Variants in ERF observed in about 807,000 individuals in gnomAD.
ERF encodes the protein ETS2 repressor factor, also known as ETS domain-containing transcription factor ERF.
In ERF, 10 loss-of-function variants were observed where a neutral mutation model predicts 41.6. The observed-to-expected ratio is 0.24, with a 90% CI of 0.15 to 0.41. ERF has a LOEUF of 0.41. Ranked by LOEUF, ERF falls within the 10% of genes least tolerant of loss-of-function variation. ERF has a pLI of 1.00. For synonymous variants in ERF, 395 were observed against 342.4 expected, an observed-to-expected ratio of 1.15 and a Z score of -1.70; for missense variants, 621 against 763.2, an observed-to-expected ratio of 0.81 and a Z score of 2.19.
chr19:42,253,782 GA>G, intron 1 of ERF: 1 of 647,124 alleles, frequency 1.5e-6, no homozygotes, highest in South Asian at 7.8e-5. Context: ...ATGGGGATGG[GA>G]ATGGGGTGGG....
chr19:42,253,895 G>A, intron 1 of ERF: 3 of 1,080,326 alleles, frequency 2.8e-6, no homozygotes, highest in South Asian at 2.3e-5. Flanking sequence ...CCGGGGGAAG[G>A]AAACAAGTTT....
intron 1 of ERF, among the ~76,000 whole-genome samples, chr19:42,252,770 A>G (rs1445490356): frequency 6.6e-6 from 1 of 152,056 alleles, no homozygotes; most frequent in East Asian, 1.9e-4. Flanking sequence ...GGGTGTCTCA[A>G]TGGGGCTCTG....
chr19:42,254,299 G>A (rs1310223415), intron 1 of ERF, among the ~76,000 whole-genome samples: 2 of 152,194 alleles, frequency 1.3e-5, no homozygotes, highest in Non-Finnish European at 2.9e-5. Flanking sequence ...GGTGGCGCGG[G>A]AGGAGGGTAC....
intron 1 of ERF, among the ~76,000 whole-genome samples, chr19:42,253,247 G>T (rs1262950997): frequency 6.6e-6 from 1 of 152,162 alleles, no homozygotes. Flanking sequence ...CCCACTCCAG[G>T]CGGCCCTCTA....
intron 1 of ERF, chr19:42,251,195 G>GC (rs931875676): frequency 1.4e-5 from 14 of 982,272 alleles, no homozygotes; most frequent in Non-Finnish European, 1.6e-5. Context: ...TGTCTGAGAG[G>GC]CCCCCCAAGC....
chr19:42,250,262 C>G lies in ERF; in HGVS notation c.257+69G>C. The stretch of plus-strand genomic sequence containing the variant: ...GGGTCAGACCCAATGCTTGTTCCCA[C>G]AGGCAAGGGGCTGTGCAACCCCGGG... On this transcript the variant is annotated intron_variant, in intron 2 of 3. Transcript: ENST00000222329. The surrounding 1 kb of genome is among the most constrained non-coding windows in gnomAD (Gnocchi z 5.1). 6.5e-7 allele frequency: 1 copy of G among 1,544,240 alleles called. No homozygotes were observed. The highest frequency in any genetic ancestry group is 1.8e-5 in the Admixed American group (1 of 56,346).
intron 1 of ERF, 88 bp downstream of exon 1, chr19:42,254,890 C>T: frequency 7.1e-7 from 1 of 1,413,022 alleles, no homozygotes; most frequent in Non-Finnish European, 9.4e-7. Flanking sequence ...ACTCGGGCTC[C>T]CCCGGACCCC....
rs550448475 is a variant in ERF at position 42,251,315 on chromosome 19, A to C, written c.23-750T>G. The C allele has an allele frequency of 5.4e-5, 53 of 985,680 alleles. No homozygotes were observed. In the South Asian group the frequency reaches 2.4e-3, roughly 44 times the overall value. The allele number at this position is 985,680 out of a possible 1,614,324, so 61.1% of individuals were successfully genotyped here. On this transcript the variant is annotated intron_variant, in intron 1 of 3. Transcript: ENST00000222329. ...CTTGAGCAGGCACCCTGGAGCTGTC[A>C]CCCTCTTCCCACTTCTGCCTTCTCA...
chr19:42,252,062 G>A (rs957132753), intron 1 of ERF, among the ~76,000 whole-genome samples: 3 of 152,068 alleles, frequency 2.0e-5, no homozygotes, highest in Middle Eastern at 3.2e-3. Context: ...GAGCACCATC[G>A]CTCTCTTGGG....
chr19:42,249,791 T>C lies in ERF; in HGVS notation c.373+36A>G, dbSNP rs1211887546. On this transcript the variant is annotated intron_variant, in intron 3 of 3. Transcript: ENST00000222329. The surrounding 1 kb of genome is among the most constrained non-coding windows in gnomAD (Gnocchi z 8.6). ...CCCTGGCCTAGCCTGAAGGGGCATG[T>C]AGACCCTCTCCACACCAACCATCCC... 6.2e-7 allele frequency: 1 copy of C among 1,613,942 alleles called. No individual in the cohort carries two copies. The highest frequency in any genetic ancestry group is 1.3e-5 in the African/African-American group (1 of 74,904).
In ERF at chr19:42,249,686, G is replaced by C; in HGVS notation, c.426C>G (p.Phe142Leu). 1 of 1,600,530 alleles carries C rather than the reference G, an allele frequency of 6.2e-7. No homozygotes were observed. Among genetic ancestry groups the C allele is most frequent in the Non-Finnish European group, 8.5e-7 (1 of 1,171,990 alleles). Reference protein sequence around the residue: ...APPVPSGGSHFRFPPSTPSEV... With the variant: ...APPVPSGGSHLRFPPSTPSEV... The stretch of plus-strand genomic sequence containing the variant: ...CGGAGGGCGTTGAGGGAGGGAAGCG[G>C]AAGTGGCTACCACCCGACGGCACTG... The change falls in exon 4 of 4, where the codon TTC (phenylalanine) becomes TTG (leucine). Residue 142 changes from phenylalanine (F) to leucine (L), a missense_variant. This residue lies in a region of ERF where 569 missense variants were observed against 625.5 expected (regional missense o/e 0.91). Transcript: ENST00000222329. This position sits in a 1 kb window ranked among gnomAD's most constrained non-coding sequence, Gnocchi z 8.6.
rs2036417719 is a variant in ERF at position 42,250,006 on chromosome 19, C to T, written c.258-64G>A. 6.9e-7 allele frequency: 1 copy of T among 1,445,230 alleles called. No homozygotes were observed. Among genetic ancestry groups the T allele is most frequent in the Admixed American group, 1.7e-5 (1 of 59,740 alleles). The allele number at this position is 1,445,230 out of a possible 1,614,324, so 89.5% of individuals were successfully genotyped here. A position where few individuals can be genotyped will look rare whatever the true frequency, so the allele number is the denominator to read the frequency against. On this transcript the variant is annotated intron_variant, in intron 2 of 3. Transcript: ENST00000222329. The surrounding 1 kb of genome is among the most constrained non-coding windows in gnomAD (Gnocchi z 5.1). ...TGGGACCCAGGTCTAGACTCCACAC[C>T]TTAACACGCACTTAGGTGTGGTTCC...
Position 42,255,001 on chromosome 19 carries a change from C to T in ERF, c.-2G>A, listed in dbSNP as rs980956119. The T allele has an allele frequency of 3.9e-5, 57 of 1,448,346 alleles. No individual in the cohort carries two copies. The highest frequency in any genetic ancestry group is 5.2e-5 in the Non-Finnish European group (57 of 1,104,106). The allele number at this position is 1,448,346 out of a possible 1,614,324, so 89.7% of individuals were successfully genotyped here. The stretch of plus-strand genomic sequence containing the variant: ...ACCTGTGTCCGCCGGGGTCTTCATG[C>T]TGGGGGGCCCGGGGCGAAGCGCCCC... On this transcript the variant is annotated 5_prime_UTR_variant, in exon 1 of 4. Coordinates refer to ENST00000222329, the MANE Select transcript of ERF (RefSeq NM_006494.4).
At position 42,250,568 on chromosome 19, in the gene ERF, G is replaced by A. The variant is rs1454312840; in HGVS notation, c.23-3C>T. ...GGCCCAATCCGGGAAGGCAAACCCT[G>A]GGGACGGGAGGCAGGGAGTGGCCTG... is the stretch of plus-strand genomic sequence containing the variant. On this transcript the variant is annotated splice_polypyrimidine_tract_variant and splice_region_variant and intron_variant, in intron 1 of 3. Coordinates refer to ENST00000222329, the MANE Select transcript of ERF (RefSeq NM_006494.4). This position sits in a 1 kb window ranked among gnomAD's most constrained non-coding sequence, Gnocchi z 5.1. 6.2e-7 allele frequency: 1 copy of A among 1,612,560 alleles called. No individual in the cohort carries two copies. Among genetic ancestry groups the A allele is most frequent in the East Asian group, 2.2e-5 (1 of 44,872 alleles).
Position 42,248,338 on chromosome 19 carries a change from G to T in ERF, c.*127C>A. 1.3e-6 allele frequency: 1 copy of T among 785,452 alleles called. No homozygotes were observed. The highest frequency in any genetic ancestry group is 1.8e-6 in the Non-Finnish European group (1 of 565,210). The allele number at this position is 785,452 out of a possible 1,614,324, so 48.7% of individuals were successfully genotyped here. ...GAAATTAAAGTTTTATACAAAATGTGGGGAGGGAAAAGGGAGGAGGCAGGG... is the reference window on the plus strand; with the variant it reads ...GAAATTAAAGTTTTATACAAAATGTTGGGAGGGAAAAGGGAGGAGGCAGGG... On this transcript the variant is annotated 3_prime_UTR_variant, in exon 4 of 4. Coordinates refer to ENST00000222329, the MANE Select transcript of ERF (RefSeq NM_006494.4). This position sits in a 1 kb window ranked among gnomAD's most constrained non-coding sequence, Gnocchi z 4.2.
rs758647555 is a variant in ERF at position 42,249,638 on chromosome 19, G to A, written c.474C>T (p.Asp158=). The change falls in exon 4 of 4, where the codon GAC becomes GAT. Residue 158 remains aspartate, a synonymous_variant. Transcript: ENST00000222329. This position sits in a 1 kb window ranked among gnomAD's most constrained non-coding sequence, Gnocchi z 8.6. ...AAGAGCAGGCTGGTGGTGAGCGGGG[G>A]TCCTCGGTGGGGGACAGCACCTCGG... is the stretch of plus-strand genomic sequence containing the variant. ...TPSEVLSPTE[D]PRSPPACSSS... 5.0e-6 allele frequency: 8 copies of A among 1,611,206 alleles called. No homozygotes were observed. Among genetic ancestry groups the A allele is most frequent in the Admixed American group, 1.7e-5 (1 of 59,720 alleles).
chr19:42,249,993 CTA>C lies in ERF; in HGVS notation c.258-53_258-52del. On this transcript the variant is annotated intron_variant, in intron 2 of 3. Transcript: ENST00000222329. The surrounding 1 kb of genome is among the most constrained non-coding windows in gnomAD (Gnocchi z 8.6). ...AAGGTCAGGTACGTGGGACCCAGGT[CTA>C]GACTCCACACCTTAACACGCACTTA... The C allele has an allele frequency of 6.6e-7, 1 of 1,510,098 alleles. No homozygotes were observed. The highest frequency in any genetic ancestry group is 9.2e-7 in the Non-Finnish European group (1 of 1,085,698). The allele number at this position is 1,510,098 out of a possible 1,614,324, so 93.5% of individuals were successfully genotyped here.
At chr19:42,253,007 C>T (rs2036469894) in intron 1 of ERF, among the ~76,000 whole-genome samples, 1 of 152,134 alleles carries the variant, frequency 6.6e-6, no homozygotes, top group African/African-American at 2.4e-5. Context: ...TGGCAGCAGT[C>T]AGACAGCAAG....
At position 42,248,547 on chromosome 19, in the gene ERF, C is replaced by T; in HGVS notation, c.1565G>A (p.Gly522Glu). ...KVRGEGPGEA[G>E]GPLTPRRVSS... ...CACCCGCCTTGGGGTGAGGGGCCCC[C>T]CAGCCTCCCCAGGCCCCTCCCCACG... The change falls in exon 4 of 4, where the codon GGG becomes GAG. Residue 522 changes from glycine (G) to glutamate (E), a missense_variant. Gly to Glu is a moderately conservative substitution (Grantham distance 98, BLOSUM62 -2). Coordinates refer to ENST00000222329, the MANE Select transcript of ERF (RefSeq NM_006494.4). This position sits in a 1 kb window ranked among gnomAD's most constrained non-coding sequence, Gnocchi z 4.2. 6.4e-7 allele frequency: 1 copy of T among 1,552,894 alleles called. No individual in the cohort carries two copies. The highest frequency in any genetic ancestry group is 8.7e-7 in the Non-Finnish European group (1 of 1,151,348).
Sources: gnomAD v4.1 joint callset for allele counts (sites outside exome capture counted in the v4.1 genomes callset) on GRCh38, gnomAD v4.1.1 for gene constraint, gnomAD v4.1.1 regional missense constraint, Gnocchi (gnomAD v3.1) non-coding constraint, MANE v1.5 for transcripts, NCBI Gene and HGNC (gene_info 2026-07-23, HGNC 2026-07-21) for gene names.